RGR: variants seen among roughly 807,000 people sequenced by gnomAD.
The protein encoded by RGR is RPE-retinal G protein-coupled receptor.
Under a neutral mutation model 28.6 loss-of-function variants are expected in RGR, and 30 were observed. The ratio of observed to expected loss-of-function variants is 1.05; its 90% CI spans 0.78 to 1.42. The LOEUF (loss-of-function observed/expected upper bound fraction) is 1.42. Ranked by LOEUF, RGR falls within the 40% of genes most tolerant of loss-of-function variation. The probability of loss-of-function intolerance (pLI) is 0.00; values close to 1 mark genes in which losing one functional copy is unlikely to be tolerated. For synonymous variants in RGR, 180 were observed against 156.4 expected (o/e 1.15, Z -1.13); for missense variants, 404 against 375.6 (o/e 1.08, Z -0.62).
In RGR at chr10:84,258,574, A is replaced by G; in HGVS notation, c.811A>G (p.Met271Val). ...NAINYALGNE[M>V]VCRGIWQCLS... ...CATCAACTATGCCCTGGGCAATGAG[A>G]TGGTCTGCAGGGGAATCTGGCAGTG... The change falls in exon 7 of 7, where the codon ATG becomes GTG. Residue 271 changes from methionine (M) to valine (V), a missense_variant. Coordinates refer to ENST00000652092, the MANE Select transcript of RGR (RefSeq NM_001012720.2). The G allele has an allele frequency of 6.2e-7, 1 of 1,614,214 alleles. No individual in the cohort carries two copies. The highest frequency in any genetic ancestry group is 8.5e-7 in the Non-Finnish European group (1 of 1,180,044).
chr10:84,251,460 C>T (rs533404540), intron 3 of RGR, among the ~76,000 whole-genome samples: 12 of 152,246 alleles, frequency 7.9e-5, no homozygotes, highest in East Asian at 3.9e-4. Context: ...TGGTCAGGTT[C>T]GGTGAGGGCT....
chr10:84,254,233 C>T, intron 4 of RGR, 93 bp from the exon 5 acceptor site: 1 of 1,096,818 alleles, frequency 9.1e-7, no homozygotes, highest in South Asian at 1.2e-5. Flanking sequence ...CATTTCCCCA[C>T]AACCGATCAT....
intron 3 of RGR, chr10:84,250,825 T>C (rs1208919885): frequency 6.0e-6 from 1 of 167,064 alleles, no homozygotes; most frequent in Admixed American, 6.3e-5. Context: ...AGAGAATTGT[T>C]TGAACCTGGA....
At chr10:84,248,251 G>T in intron 2 of RGR, 1 of 1,184,060 alleles carries the variant, frequency 8.4e-7, no homozygotes. Flanking sequence ...GATGCAGTGT[G>T]GAGAGGATAA....
Position 84,258,991 on chromosome 10 carries a change from T to C in RGR, c.*352T>C. 1 of 339,440 alleles carries C rather than the reference T, an allele frequency of 2.9e-6. No homozygotes were observed. The highest frequency in any genetic ancestry group is 5.7e-6 in the Non-Finnish European group (1 of 174,050). 21.0% of individuals were successfully genotyped at this position (339,440 alleles called of 1,614,324 possible). ...TAACCATCACCCTAATAATATACGT[T>C]GTACCCATTAAGTTATTTCTCATCC... On this transcript the variant is annotated 3_prime_UTR_variant, in exon 7 of 7. Coordinates refer to ENST00000652092, the MANE Select transcript of RGR (RefSeq NM_001012720.2).
chr10:84,250,028 A>G (rs1241247099), intron 3 of RGR, among the ~76,000 whole-genome samples: 2 of 152,210 alleles, frequency 1.3e-5, no homozygotes, highest in African/African-American at 4.8e-5. Context: ...GACCATCTAG[A>G]ACCCTGTTTA....
chr10:84,245,810 G>A (rs965411401), intron 1 of RGR, among the ~76,000 whole-genome samples: 4 of 152,172 alleles, frequency 2.6e-5, no homozygotes, highest in African/African-American at 9.7e-5. Context: ...CTGGGTCTGC[G>A]AGGTACCTAC....
At chr10:84,249,344 G>A (rs189338754) in intron 3 of RGR, among the ~76,000 whole-genome samples, 3 of 152,228 alleles carry the variant, frequency 2.0e-5, no homozygotes, top group East Asian at 1.9e-4. Context: ...AGACGGAATC[G>A]CTCTATTGCC....
At position 84,247,733 on chromosome 10, in the gene RGR, A is replaced by T. The variant is rs1352220345; in HGVS notation, c.222A>T (p.Thr74=). The T allele has an allele frequency of 6.2e-7, 1 of 1,613,944 alleles. No individual in the cohort carries two copies. The highest frequency in any genetic ancestry group is 1.3e-5 in the African/African-American group (1 of 74,884). ...GISLNALVAA[T]SSLLRRWPYG... ...GCCTGAATGCCCTCGTTGCAGCCAC[A>T]TCCAGCCTTCTCCGGTACCAGCCCC... Residue 74 remains threonine (T), a synonymous_variant, in exon 2 of 7, where the codon ACA becomes ACT. Coordinates refer to ENST00000652092, the MANE Select transcript of RGR (RefSeq NM_001012720.2).
At chr10:84,250,517 TAC>T (rs34459757) in intron 3 of RGR, 209,708 of 599,242 alleles carry the variant, frequency 0.35, 15,212 homozygotes, top group East Asian at 0.42. Flanking sequence ...GACCATCTTA[TAC>T]ACACACACAC....
At chr10:84,250,669 A>C in intron 3 of RGR, 1 of 515,048 alleles carries the variant, frequency 1.9e-6, no homozygotes, top group South Asian at 2.7e-5. Flanking sequence ...GAGCAGTGTG[A>C]AGGCAGGCAA....
Position 84,258,002 on chromosome 10 carries a change from A to G in RGR, c.740A>G (p.Gln247Arg). 1 of 1,613,004 alleles carries G rather than the reference A, an allele frequency of 6.2e-7. No individual in the cohort carries two copies. Among genetic ancestry groups the G allele is most frequent in the Non-Finnish European group, 8.5e-7 (1 of 1,178,960 alleles). ...ADVTSISPKL[Q>R]MVPALIAKMV... ...GTGACTTCCATCTCCCCCAAACTGC[A>G]GATGGTACAGATACTTCTAGTACCT... The change falls in exon 6 of 7, where the codon CAG becomes CGG. Residue 247 changes from glutamine (Q) to arginine (R), a missense_variant. Transcript: ENST00000652092.
At chr10:84,252,364 A>C (rs4515908) in intron 3 of RGR, among the ~76,000 whole-genome samples, 2 of 152,104 alleles carry the variant, frequency 1.3e-5, no homozygotes, top group African/African-American at 4.8e-5. Context: ...ACCCCTGCCT[A>C]TGCTTCTTCC....
At chr10:84,255,456 T>G (rs1842871129) in intron 5 of RGR, 1 of 152,210 alleles carries the variant, frequency 6.6e-6, no homozygotes, top group African/African-American at 2.4e-5. Flanking sequence ...GATGTTTAAT[T>G]TAATCACAGT....
chr10:84,253,586 A>G (rs534258271), intron 4 of RGR, among the ~76,000 whole-genome samples: 1 of 152,302 alleles, frequency 6.6e-6, no homozygotes, highest in African/African-American at 2.4e-5. Flanking sequence ...AACTGCCTTG[A>G]GGAATGGTCA....
At chr10:84,245,737 C>G (rs139279256) in intron 1 of RGR, among the ~76,000 whole-genome samples, 345 of 152,340 alleles carry the variant, frequency 2.3e-3, no homozygotes, top group African/African-American at 7.4e-3. Flanking sequence ...TCCTCTCCAG[C>G]CCCACCACTA....
intron 2 of RGR, 134 bp downstream of exon 2, chr10:84,247,881 A>C: frequency 8.0e-7 from 1 of 1,244,940 alleles, no homozygotes; most frequent in Non-Finnish European, 1.1e-6. Flanking sequence ...GGGCAGGCTA[A>C]AATGGGCTGA....
At chr10:84,251,675 C>A (rs1411168731) in intron 3 of RGR, among the ~76,000 whole-genome samples, 4 of 152,216 alleles carry the variant, frequency 2.6e-5, no homozygotes, top group Non-Finnish European at 4.4e-5. Context: ...TCCTGACTAG[C>A]TGGGACTACT....
intron 3 of RGR, among the ~76,000 whole-genome samples, chr10:84,252,149 G>T (rs771657343): frequency 1.3e-5 from 2 of 152,348 alleles, no homozygotes; most frequent in African/African-American, 2.4e-5. Flanking sequence ...GACTAGAGGA[G>T]GTCAAATCAG....
Sources: gnomAD v4.1 joint callset for allele counts (sites outside exome capture counted in the v4.1 genomes callset) on GRCh38, gnomAD v4.1.1 for gene constraint, MANE v1.5 for transcripts, NCBI Gene and HGNC (gene_info 2026-07-23, HGNC 2026-07-21) for gene names.